Variants in ATP11A observed in about 807,000 individuals in gnomAD.
ATP11A encodes ATPase phospholipid transporting 11A.
A neutral mutation model predicts 154.4 loss-of-function variants in ATP11A; 81 were observed. The ratio of observed to expected loss-of-function variants is 0.52; its 90% CI spans 0.44 to 0.63. The LOEUF (loss-of-function observed/expected upper bound fraction) is 0.63. Among genes scored for constraint, ATP11A ranks in the 30% least tolerant of loss-of-function variants. ATP11A has a pLI of 0.00. For synonymous variants in ATP11A, 623 were observed against 585.9 expected, an observed-to-expected ratio of 1.06 and a Z score of -0.91; for missense variants, 1,316 against 1,474.3, an observed-to-expected ratio of 0.89 and a Z score of 1.76.
intron 1 of ATP11A, among the ~76,000 whole-genome samples, chr13:112,772,525 TC>T (rs2077249659): frequency 6.4e-5 from 5 of 78,258 alleles, no homozygotes; most frequent in African/African-American, 1.3e-4. Context: ...TAAAACATTT[TC>T]ATCACCCTCA....
intron 13 of ATP11A, among the ~76,000 whole-genome samples, chr13:112,832,650 C>A (rs963437940): frequency 6.6e-6 from 1 of 152,204 alleles, no homozygotes; most frequent in African/African-American, 2.4e-5. Context: ...GCCTTCCTCA[C>A]CCGTCAGTCT....
At position 112,875,675 on chromosome 13, in the gene ATP11A, A is replaced by C. The variant is rs114984273; in HGVS notation, c.3162-101A>C. On this transcript the variant is annotated intron_variant, in intron 27 of 29. Transcript: ENST00000375645. The surrounding 1 kb of genome is among the most constrained non-coding windows in gnomAD (Gnocchi z 4.1). ...GGCTTGCCAAGCAACTCTCACTGAC[A>C]AAAGTGTAAACTCCCTGAACAGACG... The C allele has an allele frequency of 8.0e-4, 1,084 of 1,360,698 alleles. 4 individuals carry two copies. In the African/African-American group the frequency reaches 0.014, roughly 18 times the overall value. The allele number at this position is 1,360,698 out of a possible 1,614,324, so 84.3% of individuals were successfully genotyped here.
intron 1 of ATP11A, among the ~76,000 whole-genome samples, chr13:112,715,447 C>T (rs28457855): frequency 2.7e-3 from 30 of 11,038 alleles, no homozygotes; most frequent in East Asian, 0.031. Context: ...CCTGGCCCAC[C>T]TCCCCACACC....
chr13:112,811,003 A>C (rs1322538568), intron 5 of ATP11A, among the ~76,000 whole-genome samples: 2 of 151,944 alleles, frequency 1.3e-5, no homozygotes, highest in African/African-American at 4.8e-5. Context: ...TTTCTTTGGC[A>C]AAACAGACTG....
chr13:112,795,785 G>T (rs1430338033), intron 2 of ATP11A, among the ~76,000 whole-genome samples: 2 of 152,190 alleles, frequency 1.3e-5, no homozygotes. Flanking sequence ...CCATTTGAGA[G>T]AAAATATATC....
intron 1 of ATP11A, among the ~76,000 whole-genome samples, chr13:112,717,929 T>C (rs906576879): frequency 1.3e-5 from 2 of 152,054 alleles, no homozygotes; most frequent in Non-Finnish European, 2.9e-5. Context: ...ATACAAAAAT[T>C]AGCTGAGCGT....
rs754561724 is a variant in ATP11A, at chr13:112,807,918, G to A, written c.333+1625G>A. 2.0e-5 allele frequency among the ~76,000 whole-genome samples: 3 copies of A among 152,136 alleles called. No homozygotes were observed. The highest frequency in any genetic ancestry group is 2.9e-5 in the Non-Finnish European group (2 of 68,026). ...TCCAGCCTGGCCCCAGGAGGCAGGC[G>A]TAGCACTGTTCTTCAGCGTCCTCTT... On this transcript the variant is annotated intron_variant, in intron 4 of 29. Coordinates refer to ENST00000375645, the MANE Select transcript of ATP11A (RefSeq NM_015205.3). The surrounding 1 kb of genome is among the most constrained non-coding windows in gnomAD (Gnocchi z 4.5).
intron 17 of ATP11A, among the ~76,000 whole-genome samples, chr13:112,847,448 G>A (rs2079641579): frequency 6.6e-6 from 1 of 152,200 alleles, no homozygotes; most frequent in Admixed American, 6.5e-5. Context: ...CTTTCATAAA[G>A]TGAGGGTCCT....
chr13:112,873,428 C>T (rs1015964905), intron 26 of ATP11A, 145 bp from the exon 27 acceptor site: 2 of 562,750 alleles, frequency 3.6e-6, no homozygotes, highest in South Asian at 2.3e-5. Context: ...CTTCCTGAGC[C>T]GTGTTTTGCA....
intron 1 of ATP11A, chr13:112,745,854 CG>C (rs1892067855): frequency 6.6e-6 from 1 of 152,210 alleles, no homozygotes; most frequent in Non-Finnish European, 1.5e-5. Flanking sequence ...TCCACATTGT[CG>C]TGCAGCGGAA....
chr13:112,727,797 C>T (rs1318514696), intron 1 of ATP11A, among the ~76,000 whole-genome samples: 1 of 152,280 alleles, frequency 6.6e-6, no homozygotes, highest in African/African-American at 2.4e-5. Context: ...TAAACTCTGG[C>T]TTCGTGCAGC....
At chr13:112,823,167 G>C (rs775132937) in intron 8 of ATP11A, among the ~76,000 whole-genome samples, 178 bp from the exon 9 acceptor site, 4 of 152,216 alleles carry the variant, frequency 2.6e-5, no homozygotes, top group Admixed American at 6.5e-5. Context: ...GCCCACATCT[G>C]TTCACATGGA....
rs1343674109 is a variant in ATP11A at position 112,697,888 on chromosome 13, A to G, written c.39+7433A>G. ...CACGCCCAGCCCTGAAACTACTTTC[A>G]TTTTAAAACGATGAGTTCCTAAGAA... On this transcript the variant is annotated intron_variant, in intron 1 of 29. Transcript: ENST00000375645. The surrounding 1 kb of genome is among the most constrained non-coding windows in gnomAD (Gnocchi z 4.0). 2.0e-5 allele frequency among the ~76,000 whole-genome samples: 3 copies of G among 152,072 alleles called. No individual in the cohort carries two copies. Among genetic ancestry groups the G allele is most frequent in the South Asian group, 4.2e-4 (2 of 4,816 alleles).
chr13:112,868,737 C>T (rs2080419090), intron 25 of ATP11A, among the ~76,000 whole-genome samples: 1 of 152,144 alleles, frequency 6.6e-6, no homozygotes, highest in Non-Finnish European at 1.5e-5. Context: ...CATGTTAGTC[C>T]ATTTTCACAT....
Position 112,886,437 on chromosome 13 carries a change from T to A in ATP11A, c.*4571T>A, listed in dbSNP as rs2080982057. On this transcript the variant is annotated 3_prime_UTR_variant, in exon 30 of 30. Transcript: ENST00000375645. Reference sequence around the variant, plus strand: ...ATTATTTATTTGACAACTCAGTGTCTAACAGCTTGATATGCAGGTCCTTGC... The same window carrying A: ...ATTATTTATTTGACAACTCAGTGTCAAACAGCTTGATATGCAGGTCCTTGC... 1 of 152,278 alleles carries A rather than the reference T, an allele frequency of 6.6e-6. No homozygotes were observed. Among genetic ancestry groups the A allele is most frequent in the Non-Finnish European group, 1.5e-5 (1 of 68,046 alleles). The allele number at this position is 152,278 out of a possible 1,614,324, so 9.4% of individuals were successfully genotyped here. A position where few individuals can be genotyped will look rare whatever the true frequency, so the allele number is the denominator to read the frequency against.
At chr13:112,770,413 A>G (rs2077197844) in intron 1 of ATP11A, among the ~76,000 whole-genome samples, 1 of 152,204 alleles carries the variant, frequency 6.6e-6, no homozygotes, top group South Asian at 2.1e-4. Context: ...GAAGAAAAGA[A>G]AAAAGGAAGG....
chr13:112,767,877 G>A (rs1050398863), intron 1 of ATP11A, among the ~76,000 whole-genome samples: 2 of 152,060 alleles, frequency 1.3e-5, no homozygotes, highest in East Asian at 1.9e-4. Context: ...CAGACCCCTC[G>A]CAGCACTCAG....
chr13:112,789,400 GAC>G, intron 2 of ATP11A, among the ~76,000 whole-genome samples: 1 of 146,366 alleles, frequency 6.8e-6, no homozygotes, highest in African/African-American at 2.6e-5. Flanking sequence ...CCGGTGTTCT[GAC>G]ATGTAGACCC....
intron 1 of ATP11A, among the ~76,000 whole-genome samples, chr13:112,729,683 G>T (rs924984613): frequency 6.6e-6 from 1 of 152,230 alleles, no homozygotes; most frequent in East Asian, 1.9e-4. Flanking sequence ...CTGCCGCAGC[G>T]CTCCTGCTAT....
Sources: allele counts gnomAD v4.1 joint callset (sites outside exome capture counted in the v4.1 genomes callset), GRCh38; gene constraint gnomAD v4.1.1; non-coding constraint Gnocchi (gnomAD v3.1); transcripts MANE v1.5; gene names NCBI Gene and HGNC (gene_info 2026-07-23, HGNC 2026-07-21).